Variants in MLIP observed in about 807,000 individuals in gnomAD.
MLIP encodes the protein muscular LMNA interacting protein.
MLIP carries 79 observed loss-of-function variants against 84.8 expected under a neutral mutation model. The observed-to-expected ratio is 0.93, with a 90% CI of 0.78 to 1.12. The LOEUF (loss-of-function observed/expected upper bound fraction) is 1.12, where lower values mean the gene tolerates loss of function less well. Among genes scored for constraint, MLIP ranks in the 50% most tolerant of loss-of-function variants. The pLI, the probability that MLIP is intolerant of heterozygous loss-of-function variation, is 0.00. For missense variants in MLIP, 1,257 were observed against 1,160.6 expected (o/e 1.08, Z -1.21); for synonymous variants, 504 against 463.0 (o/e 1.09, Z -1.14).
At chr6:54,177,378 G>C (rs368873049) in intron 9 of MLIP, among the ~76,000 whole-genome samples, 1 of 151,846 alleles carries the variant, frequency 6.6e-6, no homozygotes, top group African/African-American at 2.4e-5. Flanking sequence ...CTAAAAGGTG[G>C]ACAAAGGACA....
At chr6:54,192,913 TGG>T (rs1259230560) in intron 10 of MLIP, among the ~76,000 whole-genome samples, 1 of 152,240 alleles carries the variant, frequency 6.6e-6, no homozygotes, top group African/African-American at 2.4e-5. Context: ...CAAAGTGCTA[TGG>T]TACCACAAGC....
rs116216698 is a variant in MLIP, at chr6:54,128,408, C to A, written c.645+3543C>A. On this transcript the variant is annotated intron_variant, in intron 3 of 13. Transcript: ENST00000502396. ...TAAAAGCACCTATGAAAAAAGAGAG[C>A]CAATGAGAAACCTAGGTGTCTTTTT... Among the ~76,000 whole-genome samples, 310 of 152,086 alleles carry A rather than the reference C, an allele frequency of 2.0e-3. 1 individual carries two copies. The highest frequency in any genetic ancestry group is 7.1e-3 in the African/African-American group (294 of 41,496).
At chr6:54,098,148 CT>C (rs5876357) in intron 1 of MLIP, among the ~76,000 whole-genome samples, 18,510 of 123,780 alleles carry the variant, frequency 0.15, 1,352 homozygotes, top group African/African-American at 0.26. Context: ...ATTTTTCTTT[CT>C]TTTTTTTTTT....
intron 1 of MLIP, among the ~76,000 whole-genome samples, chr6:54,020,567 A>G (rs1367689297): frequency 6.6e-6 from 1 of 152,174 alleles, no homozygotes; most frequent in Non-Finnish European, 1.5e-5. Context: ...TTGCGAGTAA[A>G]CAGAGGACAT....
chr6:54,109,924 T>TCTTCCTTCCTCCCTTCCTTC (rs1769307887), upstream of MLIP, among the ~76,000 whole-genome samples: 1 of 65,860 alleles, frequency 1.5e-5, no homozygotes, highest in Non-Finnish European at 3.1e-5. Context: ...TTTCTTTCTT[T>TCTTCCTTCCTCCCTTCCTTC]CTTCCTTCCT....
chr6:54,083,464 A>C, intron 1 of MLIP: 1 of 1,527,464 alleles, frequency 6.5e-7, no homozygotes, highest in Non-Finnish European at 8.8e-7. Context: ...GCAGCTCATC[A>C]ATATCAGCAG....
intron 1 of MLIP, among the ~76,000 whole-genome samples, chr6:54,071,733 ATCTT>A (rs1766497202): frequency 6.6e-6 from 1 of 152,186 alleles, no homozygotes; most frequent in South Asian, 2.1e-4. Context: ...TTTTTAAAAA[ATCTT>A]ACTTCATGAG....
At chr6:54,169,627 T>C in intron 9 of MLIP, 55 bp downstream of exon 9, 1 of 1,208,142 alleles carries the variant, frequency 8.3e-7, no homozygotes, top group South Asian at 1.5e-5. Flanking sequence ...CTGTGTATGC[T>C]TTAGAGAGAA....
intron 1 of MLIP, among the ~76,000 whole-genome samples, chr6:54,117,211 CTTTTTTTTTT>C (rs200691416): frequency 8.5e-6 from 1 of 117,830 alleles, no homozygotes. Context: ...CTATTTCTGT[CTTTTTTTTTT>C]TTTTTTTTTT....
At chr6:54,113,854 C>G (rs536224659) in intron 1 of MLIP, among the ~76,000 whole-genome samples, 1 of 152,300 alleles carries the variant, frequency 6.6e-6, no homozygotes, top group South Asian at 2.1e-4. Flanking sequence ...TCCTCCTTAC[C>G]TATACAAACT....
intron 1 of MLIP, among the ~76,000 whole-genome samples, chr6:54,075,213 C>T (rs968453612): frequency 7.0e-6 from 1 of 142,942 alleles, no homozygotes; most frequent in African/African-American, 2.6e-5. Flanking sequence ...GGCCATTGCA[C>T]TCCAGCCTAG....
intron 1 of MLIP, chr6:54,079,850 T>C (rs1180506597): frequency 6.6e-6 from 1 of 152,312 alleles, no homozygotes; most frequent in Non-Finnish European, 1.5e-5. Flanking sequence ...TCCTCTTTTA[T>C]GTTATCTAAT....
chr6:54,078,158 AGT>A (rs1766917899), intron 1 of MLIP, among the ~76,000 whole-genome samples: 1 of 152,192 alleles, frequency 6.6e-6, no homozygotes, highest in Non-Finnish European at 1.5e-5. Context: ...TTAGGTTAAC[AGT>A]GTTTGAAAAT....
chr6:54,168,794 T>G (rs1030001000), intron 8 of MLIP, among the ~76,000 whole-genome samples: 10 of 151,556 alleles, frequency 6.6e-5, no homozygotes, highest in Non-Finnish European at 1.3e-4. Flanking sequence ...AACAATGTTT[T>G]GCTTCTCAGA....
intron 9 of MLIP, among the ~76,000 whole-genome samples, chr6:54,180,920 A>T (rs549105405): frequency 6.6e-6 from 1 of 152,268 alleles, no homozygotes; most frequent in South Asian, 2.1e-4. Context: ...CAGTGTCTCA[A>T]CATTGAAGAG....
At chr6:54,151,865 A>G (rs1364968312) in intron 5 of MLIP, among the ~76,000 whole-genome samples, 1 of 152,126 alleles carries the variant, frequency 6.6e-6, no homozygotes, top group Non-Finnish European at 1.5e-5. Context: ...TTGCAATGAG[A>G]TGTTAAGCTC....
At chr6:54,111,690 T>C in intron 1 of MLIP, 115 bp downstream of exon 1, 1 of 1,079,952 alleles carries the variant, frequency 9.3e-7, no homozygotes, top group Non-Finnish European at 1.3e-6. Flanking sequence ...TAAATTTGTA[T>C]GTATATTGAA....
At chr6:54,167,830 A>C (rs1399265651) in intron 8 of MLIP, among the ~76,000 whole-genome samples, 1 of 151,784 alleles carries the variant, frequency 6.6e-6, no homozygotes, top group Non-Finnish European at 1.5e-5. Context: ...GCTGAAGACC[A>C]TGTGTCTTCT....
chr6:54,222,839 A>C (rs2150776549), intron 11 of MLIP, among the ~76,000 whole-genome samples: 1 of 152,136 alleles, frequency 6.6e-6, no homozygotes, highest in Middle Eastern at 3.4e-3. Flanking sequence ...TCCCACCAAC[A>C]GTGTACAAGT....
Sources: gnomAD v4.1 joint callset for allele counts (sites outside exome capture counted in the v4.1 genomes callset) on GRCh38, gnomAD v4.1.1 for gene constraint, MANE v1.5 for transcripts, NCBI Gene and HGNC (gene_info 2026-07-23, HGNC 2026-07-21) for gene names.